BMERB1: variants seen among roughly 807,000 people sequenced by gnomAD.
BMERB1 encodes the protein bMERB domain containing 1.
BMERB1 carries 12 observed loss-of-function variants against 23.6 expected under a neutral mutation model. The ratio of observed to expected loss-of-function variants is 0.51; its 90% confidence interval spans 0.33 to 0.82. The LOEUF is 0.82. BMERB1 is among the 40% of genes least tolerant of loss of function. BMERB1 has a pLI of 0.03. For missense variants in BMERB1, 247 were observed against 255.4 expected, an observed-to-expected ratio of 0.97 and a Z score of 0.22; for synonymous variants, 122 against 96.6, an observed-to-expected ratio of 1.26 and a Z score of -1.54.
intron 1 of BMERB1, among the ~76,000 whole-genome samples, chr16:15,484,709 C>T (rs2051353310): frequency 6.6e-6 from 1 of 152,160 alleles, no homozygotes; most frequent in South Asian, 2.1e-4. Context: ...GCCTCTTTCC[C>T]CTTTTTTAAA....
chr16:15,504,789 AG>A (rs2041968782), intron 1 of BMERB1, among the ~76,000 whole-genome samples: 1 of 148,406 alleles, frequency 6.7e-6, no homozygotes, highest in African/African-American at 2.5e-5. Context: ...AAAAAAAAAA[AG>A]TATATTTAAA....
chr16:15,537,534 A>G (rs1477044941), intron 2 of BMERB1, among the ~76,000 whole-genome samples: 2 of 149,128 alleles, frequency 1.3e-5, no homozygotes, highest in Admixed American at 6.7e-5. Flanking sequence ...TTGTATTTTT[A>G]GTAGAGGCGG....
chr16:15,517,347 A>G (rs769585771), intron 2 of BMERB1, among the ~76,000 whole-genome samples: 2 of 152,180 alleles, frequency 1.3e-5, no homozygotes, highest in Non-Finnish European at 2.9e-5. Context: ...CGTCTCTAGT[A>G]AAAATACAAA....
At chr16:15,436,289 G>C (rs542340822) in intron 1 of BMERB1, among the ~76,000 whole-genome samples, 2 of 124,672 alleles carry the variant, frequency 1.6e-5, no homozygotes, top group Admixed American at 9.8e-5. Flanking sequence ...ACGGAGTTTC[G>C]CTCTTGTTGC....
chr16:15,465,754 T>C (rs951462015), intron 1 of BMERB1, among the ~76,000 whole-genome samples: 9 of 152,244 alleles, frequency 5.9e-5, no homozygotes, highest in Non-Finnish European at 1.3e-4. Flanking sequence ...AAATGACCCT[T>C]GTCATGGAAT....
chr16:15,491,736 C>A (rs1329207372), intron 1 of BMERB1, among the ~76,000 whole-genome samples: 2 of 152,166 alleles, frequency 1.3e-5, no homozygotes, highest in Non-Finnish European at 1.5e-5. Context: ...AAGCATTCTT[C>A]CCCCTCCGTC....
chr16:15,473,204 A>AT (rs1466264836), intron 1 of BMERB1, among the ~76,000 whole-genome samples: 1 of 151,948 alleles, frequency 6.6e-6, no homozygotes, highest in Admixed American at 6.6e-5. Flanking sequence ...TTGTGGGTAC[A>AT]TAAGTACCCA....
intron 2 of BMERB1, among the ~76,000 whole-genome samples, chr16:15,564,439 G>A (rs761987970): frequency 6.6e-6 from 1 of 152,074 alleles, no homozygotes; most frequent in Admixed American, 6.6e-5. Context: ...TCACTTCAAG[G>A]TAAATTGAAA....
At chr16:15,539,580 A>G (rs1338190882) in intron 2 of BMERB1, among the ~76,000 whole-genome samples, 2 of 152,168 alleles carry the variant, frequency 1.3e-5, no homozygotes, top group African/African-American at 4.8e-5. Flanking sequence ...ATGGTAGCTC[A>G]TGCCTATAAT....
At chr16:15,468,135 C>CTTTTTT (rs749534588) in intron 1 of BMERB1, among the ~76,000 whole-genome samples, 3 of 31,018 alleles carry the variant, frequency 9.7e-5, no homozygotes, top group African/African-American at 2.6e-4. Context: ...CTTTCTTCTT[C>CTTTTTT]TTTTTTTTTT....
intron 2 of BMERB1, among the ~76,000 whole-genome samples, chr16:15,565,081 G>T (rs2030527196): frequency 6.6e-6 from 1 of 151,646 alleles, no homozygotes; most frequent in Non-Finnish European, 1.5e-5. Flanking sequence ...TCAGCCACAG[G>T]CATTCCTTGA....
In BMERB1 at chr16:15,581,340, A is replaced by G. The variant is rs1012311993; in HGVS notation, c.419+9A>G. The G allele has an allele frequency of 2.5e-5, 40 of 1,608,266 alleles. No individual in the cohort carries two copies. The highest frequency in any genetic ancestry group is 3.1e-5 in the Non-Finnish European group (37 of 1,175,876). ...GAGGTCGAGCGGTTAAGGTGAGTGC[A>G]CTGCGGGTACCCGATCACTGGGCTG... is the stretch of plus-strand genomic sequence containing the variant. On this transcript the variant is annotated intron_variant, in intron 4 of 5. Coordinates refer to ENST00000300006, the MANE Select transcript of BMERB1 (RefSeq NM_033201.3).
At chr16:15,561,284 T>TG (rs2030413785) in intron 2 of BMERB1, among the ~76,000 whole-genome samples, 1 of 122,234 alleles carries the variant, frequency 8.2e-6, no homozygotes, top group African/African-American at 4.0e-5. Context: ...TTTTTTTTTT[T>TG]GGGAGAAGGA....
chr16:15,441,076 G>C (rs544706957), intron 1 of BMERB1, among the ~76,000 whole-genome samples: 19 of 152,334 alleles, frequency 1.2e-4, no homozygotes, highest in Admixed American at 7.8e-4. Flanking sequence ...GTGAAGGGCA[G>C]ATGAATCAGA....
At chr16:15,529,110 T>C (rs200073128) in intron 2 of BMERB1, among the ~76,000 whole-genome samples, 3 of 152,240 alleles carry the variant, frequency 2.0e-5, no homozygotes, top group African/African-American at 7.2e-5. Context: ...CTGCAAGCTC[T>C]GCCTCCCAGG....
At chr16:15,443,853 A>T (rs141009828) in intron 1 of BMERB1, among the ~76,000 whole-genome samples, 2 of 151,970 alleles carry the variant, frequency 1.3e-5, no homozygotes, top group Non-Finnish European at 1.5e-5. Context: ...CTGGAGGTAG[A>T]GGTTGCAGAG....
At chr16:15,569,558 A>C (rs1283247658) in intron 3 of BMERB1, among the ~76,000 whole-genome samples, 1 of 152,192 alleles carries the variant, frequency 6.6e-6, no homozygotes, top group Non-Finnish European at 1.5e-5. Context: ...AACACTGGGT[A>C]TTACATTTCA....
intron 2 of BMERB1, among the ~76,000 whole-genome samples, chr16:15,560,952 CTTTTTTTTTTTTT>C (rs1166759122): frequency 9.4e-6 from 1 of 106,654 alleles, no homozygotes; most frequent in Non-Finnish European, 1.8e-5. Context: ...TTCTCTGCTG[CTTTTTTTTTTTTT>C]TTTTTTTTTG....
At chr16:15,562,506 G>A (rs1396964046) in intron 2 of BMERB1, among the ~76,000 whole-genome samples, 2 of 151,818 alleles carry the variant, frequency 1.3e-5, no homozygotes, top group South Asian at 2.1e-4. Context: ...TGATAATTCT[G>A]TGGTTAGAAT....
Sources: gnomAD v4.1 joint callset for allele counts (sites outside exome capture counted in the v4.1 genomes callset) on GRCh38, gnomAD v4.1.1 for gene constraint, MANE v1.5 for transcripts, NCBI Gene and HGNC (gene_info 2026-07-23, HGNC 2026-07-21) for gene names.